Variants in CALCRL observed in about 807,000 individuals in gnomAD.
CALCRL encodes calcitonin receptor like receptor.
CALCRL carries 27 observed loss-of-function variants against 60.4 expected under a neutral mutation model. That is an observed-to-expected ratio of 0.45 (90% CI 0.33 to 0.62). CALCRL has a LOEUF of 0.62. CALCRL is among the 20% of genes least tolerant of loss of function. The pLI, the probability that CALCRL is intolerant of heterozygous loss-of-function variation, is 0.03. For missense variants in CALCRL, 424 were observed against 540.7 expected (o/e 0.78, Z 2.14); for synonymous variants, 190 against 182.6 (o/e 1.04, Z -0.33).
chr2:187,432,651 T>C (rs1690451604), intron 1 of CALCRL, among the ~76,000 whole-genome samples: 1 of 152,104 alleles, frequency 6.6e-6, no homozygotes, highest in African/African-American at 2.4e-5. Context: ...ATATTATATA[T>C]CACTAAAAAT....
intron 9 of CALCRL, among the ~76,000 whole-genome samples, chr2:187,362,214 T>C (rs189427977): frequency 6.6e-6 from 1 of 152,048 alleles, no homozygotes. Flanking sequence ...ATTAAACACA[T>C]CTTTGCGTAC....
chr2:187,426,778 CAT>C (rs909310824), intron 1 of CALCRL, among the ~76,000 whole-genome samples: 1 of 152,062 alleles, frequency 6.6e-6, no homozygotes, highest in Non-Finnish European at 1.5e-5. Flanking sequence ...TTAACTTTAA[CAT>C]GTGATTAAAA....
chr2:187,358,520 CA>C (rs1290024208), intron 12 of CALCRL, among the ~76,000 whole-genome samples: 1 of 148,454 alleles, frequency 6.7e-6, no homozygotes, highest in African/African-American at 2.5e-5. Flanking sequence ...TGTCACCTCC[CA>C]CCCCCCCCTG....
intron 8 of CALCRL, among the ~76,000 whole-genome samples, chr2:187,366,651 T>A (rs1235361348): frequency 4.6e-5 from 7 of 152,094 alleles, no homozygotes; most frequent in Non-Finnish European, 7.4e-5. Flanking sequence ...ATATTAATAA[T>A]ATTCACATGT....
intron 8 of CALCRL, among the ~76,000 whole-genome samples, chr2:187,366,010 G>A (rs1270459054): frequency 6.6e-6 from 1 of 151,842 alleles, no homozygotes; most frequent in Non-Finnish European, 1.5e-5. Context: ...TTGGGAGGCC[G>A]AGGCGGGTGG....
At chr2:187,386,476 A>C (rs1291554318) in intron 3 of CALCRL, among the ~76,000 whole-genome samples, 1 of 152,158 alleles carries the variant, frequency 6.6e-6, no homozygotes, top group Non-Finnish European at 1.5e-5. Flanking sequence ...AGTCATCTAC[A>C]TTATTCAAAT....
chr2:187,357,158 T>C (rs568008591), intron 12 of CALCRL, among the ~76,000 whole-genome samples: 2 of 152,276 alleles, frequency 1.3e-5, no homozygotes, highest in South Asian at 2.1e-4. Flanking sequence ...ACTGGGTATA[T>C]ACCCAAAGGA....
chr2:187,345,883 C>T lies in CALCRL; in HGVS notation c.*301G>A, dbSNP rs903506812. 10 of 241,626 alleles carry T rather than the reference C, an allele frequency of 4.1e-5. No individual in the cohort carries two copies. The highest frequency in any genetic ancestry group is 1.9e-4 in the East Asian group (2 of 10,368). The allele number at this position is 241,626 out of a possible 1,614,324, so 15.0% of individuals were successfully genotyped here. A position where few individuals can be genotyped will look rare whatever the true frequency, so the allele number is the denominator to read the frequency against. Reference sequence around the variant, plus strand: ...AATGGTGTGCTGGAACTGGCTTACACCAGCTCAGAAAAGTTGATTGTGCTT... The same window carrying T: ...AATGGTGTGCTGGAACTGGCTTACATCAGCTCAGAAAAGTTGATTGTGCTT... On this transcript the variant is annotated 3_prime_UTR_variant, in exon 15 of 15. Coordinates refer to ENST00000392370, the MANE Select transcript of CALCRL (RefSeq NM_005795.6).
rs937493443 is a variant in CALCRL at position 187,418,266 on chromosome 2, C to T, written c.-293+29773G>A. Among the ~76,000 whole-genome samples the T allele has an allele frequency of 2.6e-5, 4 of 152,092 alleles. No homozygotes were observed. The East Asian group carries it at 5.8e-4, about 22-fold the overall frequency. ...CAATTTCAAAAGTTATTCTTCACACCTATATTTAGAGATGCAGCTGAAGCT... is the reference window on the plus strand; with the variant it reads ...CAATTTCAAAAGTTATTCTTCACACTTATATTTAGAGATGCAGCTGAAGCT... On this transcript the variant is annotated intron_variant, in intron 1 of 14. Coordinates refer to ENST00000392370, the MANE Select transcript of CALCRL (RefSeq NM_005795.6).
At chr2:187,406,853 T>G (rs1057130184) in intron 1 of CALCRL, among the ~76,000 whole-genome samples, 2 of 152,062 alleles carry the variant, frequency 1.3e-5, no homozygotes, top group African/African-American at 4.8e-5. Context: ...CTGAAAAATC[T>G]TTTAGATGTA....
At chr2:187,438,855 T>G (rs1421909445) in intron 1 of CALCRL, among the ~76,000 whole-genome samples, 6 of 152,220 alleles carry the variant, frequency 3.9e-5, no homozygotes, top group Non-Finnish European at 2.9e-5. Context: ...AAGAAATACA[T>G]ATTAGGTTGA....
intron 14 of CALCRL, among the ~76,000 whole-genome samples, chr2:187,348,560 A>T (rs1029295378): frequency 1.3e-5 from 2 of 151,666 alleles, no homozygotes; most frequent in Admixed American, 6.6e-5. Flanking sequence ...GAAAATGGCT[A>T]TTGAAATATA....
rs1364397057 is a variant in CALCRL, at chr2:187,383,213, A to G, written c.144T>C (p.Cys48=). ...RNKIMTAQYE[C]YQKIMQDPIQ... ...TGGGGTCTTGCATAATCTTTTGGTA[A>G]CATTCATATTGAGCTGTCATGATTT... Residue 48 remains cysteine (C), a synonymous_variant, in exon 5 of 15, where the codon TGT becomes TGC. Transcript: ENST00000392370. The G allele has an allele frequency of 6.2e-7, 1 of 1,612,386 alleles. No individual in the cohort carries two copies.
intron 1 of CALCRL, among the ~76,000 whole-genome samples, chr2:187,404,767 T>C (rs965297776): frequency 6.6e-6 from 1 of 151,830 alleles, no homozygotes; most frequent in Non-Finnish European, 1.5e-5. Flanking sequence ...TGGTGGAGGC[T>C]ATGGCTAGAA....
At chr2:187,416,828 T>G (rs1463941339) in intron 1 of CALCRL, among the ~76,000 whole-genome samples, 1 of 152,132 alleles carries the variant, frequency 6.6e-6, no homozygotes, top group Admixed American at 6.6e-5. Flanking sequence ...GGCTGTTTCT[T>G]ATGTTCATCA....
intron 12 of CALCRL, among the ~76,000 whole-genome samples, chr2:187,352,652 A>T (rs12479177): frequency 6.6e-6 from 1 of 151,660 alleles, no homozygotes; most frequent in East Asian, 1.9e-4. Flanking sequence ...TCTGTGGTCT[A>T]AAAACTAAAG....
intron 1 of CALCRL, among the ~76,000 whole-genome samples, chr2:187,421,239 T>A (rs978763582): frequency 6.6e-6 from 1 of 152,218 alleles, no homozygotes; most frequent in Non-Finnish European, 1.5e-5. Context: ...AAACTTACTG[T>A]TGGTAAGTAA....
At chr2:187,398,515 ATCT>A (rs1262460627) in intron 1 of CALCRL, among the ~76,000 whole-genome samples, 2 of 151,558 alleles carry the variant, frequency 1.3e-5, no homozygotes, top group Non-Finnish European at 3.0e-5. Context: ...TGATTAGCAC[ATCT>A]TCTTTATTGC....
chr2:187,369,190 A>G (rs905002198), intron 8 of CALCRL, among the ~76,000 whole-genome samples: 1 of 152,094 alleles, frequency 6.6e-6, no homozygotes, highest in East Asian at 1.9e-4. Flanking sequence ...AGCCATGTCC[A>G]TTTTGTATGG....
Sources: allele counts gnomAD v4.1 joint callset (sites outside exome capture counted in the v4.1 genomes callset), GRCh38; gene constraint gnomAD v4.1.1; transcripts MANE v1.5; gene names NCBI Gene and HGNC (gene_info 2026-07-23, HGNC 2026-07-21).